MATCAP1: variants seen among roughly 807,000 people sequenced by gnomAD.
MATCAP1 encodes microtubule-associated tyrosine carboxypeptidase 1.
chr16:67,180,950 C>T, the MATCAP1 span, among the ~76,000 whole-genome samples: 2 of 152,210 alleles, frequency 1.3e-5, no homozygotes, highest in Non-Finnish European at 2.9e-5. Flanking sequence ...CAGCCTCCAA[C>T]TCCTGGCCTG....
chr16:67,179,273 A>G, the MATCAP1 span: 4 of 1,478,396 alleles, frequency 2.7e-6, no homozygotes, highest in Non-Finnish European at 2.7e-6. This position sits in a 1 kb window ranked among gnomAD's most constrained non-coding sequence, Gnocchi z 5.2. Flanking sequence ...CTGTAAGCAG[A>G]GGGCGGGAGG....
the MATCAP1 span, chr16:67,179,770 C>T: frequency 6.2e-7 from 1 of 1,608,968 alleles, no homozygotes; most frequent in African/African-American, 1.3e-5. The surrounding 1 kb of genome is among the most constrained non-coding windows in gnomAD (Gnocchi z 5.2). Flanking sequence ...CACAAGACAC[C>T]CTGATTTGGG....
the MATCAP1 span, chr16:67,179,667 C>T: frequency 6.8e-7 from 1 of 1,466,506 alleles, no homozygotes; most frequent in Non-Finnish European, 9.5e-7. The surrounding 1 kb of genome is among the most constrained non-coding windows in gnomAD (Gnocchi z 5.2). Context: ...GGCCAGGGCA[C>T]CCACCCTTCA....
chr16:67,180,164 G>A, the MATCAP1 span: 1 of 1,614,106 alleles, frequency 6.2e-7, no homozygotes, highest in African/African-American at 1.3e-5. Context: ...CTCGCTCACG[G>A]TCCATGTTGG....
chr16:67,181,103 C>T, the MATCAP1 span, among the ~76,000 whole-genome samples: 1 of 152,264 alleles, frequency 6.6e-6, no homozygotes. Context: ...AAGGCAAGGA[C>T]TGAGCCCCTT....
At chr16:67,178,351 C>T in the MATCAP1 span, 7 of 1,575,144 alleles carry the variant, frequency 4.4e-6, no homozygotes, top group South Asian at 4.7e-5. Context: ...CAGTGCAGCG[C>T]GCCACAGGAA....
At chr16:67,177,512 T>G in the MATCAP1 span, among the ~76,000 whole-genome samples, 4 of 152,242 alleles carry the variant, frequency 2.6e-5, no homozygotes, top group African/African-American at 9.6e-5. Context: ...CCATCCCTTC[T>G]GCAGGAGTGA....
chr16:67,176,990 C>T, the MATCAP1 span: 21 of 1,532,356 alleles, frequency 1.4e-5, no homozygotes, highest in African/African-American at 1.5e-4. The surrounding 1 kb of genome is among the most constrained non-coding windows in gnomAD (Gnocchi z 4.3). Flanking sequence ...AGGAGGAAGC[C>T]GGGCATCAGG....
At chr16:67,178,310 T>A in the MATCAP1 span, 1 of 1,582,836 alleles carries the variant, frequency 6.3e-7, no homozygotes, top group South Asian at 1.2e-5. Flanking sequence ...CGGAAGGACA[T>A]GCGCGCGGCG....
chr16:67,178,184 C>A, the MATCAP1 span: 2 of 1,535,962 alleles, frequency 1.3e-6, no homozygotes, highest in Non-Finnish European at 1.8e-6. Context: ...GCACCTCCCC[C>A]GCGCTGGCGC....
the MATCAP1 span, chr16:67,177,019 G>C: frequency 6.8e-7 from 1 of 1,463,348 alleles, no homozygotes; most frequent in Non-Finnish European, 9.1e-7. Flanking sequence ...GTGGCCCCTG[G>C]CTTTCAGGTA....
chr16:67,179,319 G>T, the MATCAP1 span: 2 of 1,509,176 alleles, frequency 1.3e-6, no homozygotes, highest in South Asian at 1.3e-5. This position sits in a 1 kb window ranked among gnomAD's most constrained non-coding sequence, Gnocchi z 5.2. Flanking sequence ...GACCTCAGGA[G>T]GGAAGGGGGA....
chr16:67,176,616 GTCC>G, the MATCAP1 span: 1 of 462,184 alleles, frequency 2.2e-6, no homozygotes, highest in Non-Finnish European at 3.7e-6. The surrounding 1 kb of genome is among the most constrained non-coding windows in gnomAD (Gnocchi z 4.3). Context: ...GCTGCTGCAG[GTCC>G]CCAGACCCCA....
chr16:67,178,110 G>GGGAGGGCA, the MATCAP1 span: 3 of 1,612,104 alleles, frequency 1.9e-6, no homozygotes, highest in Non-Finnish European at 2.5e-6. Flanking sequence ...GAAACAACCT[G>GGGAGGGCA]GGAGGGCAGG....
At chr16:67,178,438 C>G in the MATCAP1 span, 1 of 1,537,628 alleles carries the variant, frequency 6.5e-7, no homozygotes, top group Non-Finnish European at 8.7e-7. Context: ...CAGCCCGTAC[C>G]GCAGCCGGCC....
the MATCAP1 span, chr16:67,178,839 A>T: frequency 1.7e-6 from 1 of 585,908 alleles, no homozygotes; most frequent in Non-Finnish European, 3.2e-6. Flanking sequence ...GAATACATAT[A>T]CCACCCTGCC....
At chr16:67,179,822 G>C in the MATCAP1 span, 1 of 1,614,206 alleles carries the variant, frequency 6.2e-7, no homozygotes. The surrounding 1 kb of genome is among the most constrained non-coding windows in gnomAD (Gnocchi z 5.2). Context: ...CACCTCCCCA[G>C]CGCAGCCCTC....
chr16:67,179,482 G>A, the MATCAP1 span: 53 of 1,612,760 alleles, frequency 3.3e-5, no homozygotes, highest in Non-Finnish European at 4.3e-5. The surrounding 1 kb of genome is among the most constrained non-coding windows in gnomAD (Gnocchi z 5.2). Context: ...CTCCGGTCAG[G>A]TTGATCGCCA....
At chr16:67,182,180 C>T in the MATCAP1 span, among the ~76,000 whole-genome samples, 60 of 145,384 alleles carry the variant, frequency 4.1e-4, no homozygotes, top group African/African-American at 1.5e-3. Flanking sequence ...ACCCGGGAGG[C>T]GGAGTTTGCG....
Sources: gnomAD v4.1 joint callset for allele counts (sites outside exome capture counted in the v4.1 genomes callset) on GRCh38, gnomAD v4.1.1 for gene constraint, Gnocchi (gnomAD v3.1) non-coding constraint, MANE v1.5 for transcripts, NCBI Gene and HGNC (gene_info 2026-07-23, HGNC 2026-07-21) for gene names.